The following CTNNAL1 variants were observed in gnomAD, a reference collection of about 807,000 sequenced individuals.
The protein encoded by CTNNAL1 is alpha-catulin.
Under a neutral mutation model 93.6 loss-of-function variants are expected in CTNNAL1, and 69 were observed. The ratio of observed to expected loss-of-function variants is 0.74; its 90% confidence interval spans 0.61 to 0.90. The LOEUF (loss-of-function observed/expected upper bound fraction) is 0.90. Among genes scored for constraint, CTNNAL1 ranks in the 40% least tolerant of loss-of-function variants. The pLI is 0.00. For synonymous variants in CTNNAL1, 286 were observed against 305.4 expected, an observed-to-expected ratio of 0.94 and a Z score of 0.66; for missense variants, 836 against 862.0, an observed-to-expected ratio of 0.97 and a Z score of 0.38.
chr9:108,946,887 C>T (rs1033128753), intron 15 of CTNNAL1, among the ~76,000 whole-genome samples: 7 of 151,650 alleles, frequency 4.6e-5, no homozygotes, highest in South Asian at 2.1e-4. Context: ...CCCTACAGGG[C>T]GGTATGACAG....
rs533726703 is a variant in CTNNAL1 at position 109,003,718 on chromosome 9, G to A, written c.142-4462C>T. 6.6e-5 allele frequency among the ~76,000 whole-genome samples: 10 copies of A among 152,186 alleles called. No individual in the cohort carries two copies. The South Asian group carries it at 8.3e-4, about 13-fold the overall frequency. On this transcript the variant is annotated intron_variant, in intron 1 of 18. Transcript: ENST00000325551. ...AGTAGTCATCCTAAAGCTGAAAGAC[G>A]TTACACTTAAGGAACTACTACATAC...
chr9:108,981,791 G>C (rs1345138908), intron 6 of CTNNAL1, among the ~76,000 whole-genome samples: 1 of 152,160 alleles, frequency 6.6e-6, no homozygotes, highest in Non-Finnish European at 1.5e-5. Context: ...CGGCTGTGGT[G>C]GTGGGTGCCT....
At chr9:109,012,708 G>C (rs944684704) in intron 1 of CTNNAL1, among the ~76,000 whole-genome samples, 1 of 152,232 alleles carries the variant, frequency 6.6e-6, no homozygotes, top group Non-Finnish European at 1.5e-5. Context: ...GCAGAAGTGA[G>C]CAGCAGCAGG....
At chr9:108,979,512 T>C (rs2132146317) in intron 6 of CTNNAL1, 31 bp from the exon 7 acceptor site, 1 of 1,605,786 alleles carries the variant, frequency 6.2e-7, no homozygotes, top group South Asian at 1.1e-5. Flanking sequence ...TATCCATCCA[T>C]GTGAGTCAAT....
chr9:108,960,074 G>A (rs1587952783), intron 11 of CTNNAL1, among the ~76,000 whole-genome samples: 9 of 152,192 alleles, frequency 5.9e-5, no homozygotes, highest in Middle Eastern at 3.4e-3. Context: ...GCTATCTTTA[G>A]TTCTGGAGGC....
chr9:108,968,528 T>C (rs1831021142), intron 10 of CTNNAL1, among the ~76,000 whole-genome samples: 1 of 152,232 alleles, frequency 6.6e-6, no homozygotes, highest in Non-Finnish European at 1.5e-5. Flanking sequence ...TCCAGTTCTA[T>C]TGGAATACTT....
intron 6 of CTNNAL1, among the ~76,000 whole-genome samples, chr9:108,982,761 A>G (rs1458081568): frequency 6.6e-6 from 1 of 152,256 alleles, no homozygotes; most frequent in Non-Finnish European, 1.5e-5. Flanking sequence ...TATGGATACT[A>G]TACATAATGA....
At chr9:108,984,548 G>GA (rs202117651) in intron 4 of CTNNAL1, 112 bp from the exon 5 acceptor site, 31,226 of 290,598 alleles carry the variant, frequency 0.11, 1,083 homozygotes, top group African/African-American at 0.26. Flanking sequence ...ATTGTTAAGT[G>GA]AAAAAAAAAA....
chr9:108,959,927 G>A (rs973298987), intron 11 of CTNNAL1, among the ~76,000 whole-genome samples: 3 of 152,128 alleles, frequency 2.0e-5, no homozygotes, highest in Admixed American at 1.3e-4. Flanking sequence ...AAACCTAATT[G>A]AGAAATGTTC....
At chr9:108,973,263 CAGTATTAAG>C (rs1831168480) in intron 8 of CTNNAL1, among the ~76,000 whole-genome samples, 3 of 152,082 alleles carry the variant, frequency 2.0e-5, no homozygotes, top group Admixed American at 2.0e-4. Flanking sequence ...AGGAATGAAA[CAGTATTAAG>C]AGTATTAAGA....
intron 14 of CTNNAL1, 22 bp downstream of exon 14, chr9:108,952,187 A>C: frequency 6.3e-7 from 1 of 1,584,708 alleles, no homozygotes; most frequent in Non-Finnish European, 8.6e-7. Flanking sequence ...GATTTAAAAA[A>C]TAAAAATACA....
At chr9:108,985,613 A>G (rs1831582542) in intron 4 of CTNNAL1, among the ~76,000 whole-genome samples, 3 of 152,202 alleles carry the variant, frequency 2.0e-5, no homozygotes. Flanking sequence ...TATAACCCCA[A>G]AGCTAATGCA....
chr9:108,949,427 G>T (rs1830494950), intron 14 of CTNNAL1, among the ~76,000 whole-genome samples: 1 of 152,194 alleles, frequency 6.6e-6, no homozygotes, highest in South Asian at 2.1e-4. Flanking sequence ...TAAAAAGTTG[G>T]CCAAGCGCGG....
intron 4 of CTNNAL1, among the ~76,000 whole-genome samples, chr9:108,988,885 C>T (rs1225498284): frequency 2.0e-5 from 3 of 152,162 alleles, no homozygotes; most frequent in Non-Finnish European, 2.9e-5. Context: ...ATGCACCTGA[C>T]CTATAGCTCT....
At chr9:108,954,911 A>G (rs1587948052) in intron 12 of CTNNAL1, among the ~76,000 whole-genome samples, 1 of 151,728 alleles carries the variant, frequency 6.6e-6, no homozygotes, top group Admixed American at 6.6e-5. Flanking sequence ...CTCTTCTGAT[A>G]CTCACCATCT....
At chr9:108,991,252 G>A (rs1831792531) in intron 3 of CTNNAL1, among the ~76,000 whole-genome samples, 1 of 152,120 alleles carries the variant, frequency 6.6e-6, no homozygotes, top group Non-Finnish European at 1.5e-5. Flanking sequence ...AGTGAACCAG[G>A]ATGATAGGAA....
At chr9:108,960,385 C>G (rs530148945) in intron 11 of CTNNAL1, among the ~76,000 whole-genome samples, 7 of 152,180 alleles carry the variant, frequency 4.6e-5, no homozygotes, top group Non-Finnish European at 8.8e-5. Context: ...TCCCTTGTTG[C>G]AGGCTCCTAC....
intron 2 of CTNNAL1, among the ~76,000 whole-genome samples, chr9:108,997,120 G>A (rs1832050139): frequency 6.6e-6 from 1 of 152,060 alleles, no homozygotes; most frequent in South Asian, 2.1e-4. Flanking sequence ...AATAGAATAA[G>A]GATATCCCCC....
chr9:108,977,846 TA>T (rs1280228915), intron 7 of CTNNAL1, among the ~76,000 whole-genome samples: 2 of 152,224 alleles, frequency 1.3e-5, no homozygotes, highest in African/African-American at 2.4e-5. Flanking sequence ...TTAGGATACT[TA>T]CAAAGCTATT....
Sources: gnomAD v4.1 joint callset for allele counts (sites outside exome capture counted in the v4.1 genomes callset) on GRCh38, gnomAD v4.1.1 for gene constraint, MANE v1.5 for transcripts, NCBI Gene and HGNC (gene_info 2026-07-23, HGNC 2026-07-21) for gene names.